Variants in RAD51B observed in about 807,000 individuals in gnomAD.
RAD51B encodes RAD51 paralog B, also known as DNA repair protein RAD51 homolog 2.
A neutral mutation model predicts 42.2 loss-of-function variants in RAD51B; 38 were observed. That is an observed-to-expected ratio of 0.90 (90% confidence interval 0.70 to 1.18). The LOEUF (loss-of-function observed/expected upper bound fraction) is 1.18, where lower values mean the gene tolerates loss of function less well. RAD51B is among the 50% of genes most tolerant of loss of function. RAD51B has a pLI of 0.00. For missense variants in RAD51B, 373 were observed against 400.7 expected (o/e 0.93, Z 0.59); for synonymous variants, 154 against 145.2 (o/e 1.06, Z -0.43).
Position 67,939,977 on chromosome 14 carries a change from A to AT in RAD51B, c.756+52773_756+52774insT, listed in dbSNP as rs529025837. On this transcript the variant is annotated intron_variant, in intron 7 of 10. Transcript: ENST00000471583. ...CTCATAACATACATTATATATATAT[A>AT]AAAAAATAAAAAGTATATATATAAA... 8.0e-3 allele frequency among the ~76,000 whole-genome samples: 1,125 copies of AT among 140,304 alleles called. 22 individuals are homozygous for AT. Among genetic ancestry groups the AT allele is most frequent in the African/African-American group, 0.028 (1,058 of 38,024 alleles). The allele number at this position is 140,304 out of a possible 152,430, so 92.0% of individuals were successfully genotyped here.
intron 5 of RAD51B, among the ~76,000 whole-genome samples, chr14:67,866,567 C>T (rs567573343): frequency 1.3e-5 from 2 of 152,170 alleles, no homozygotes; most frequent in East Asian, 3.8e-4. Flanking sequence ...TTTCTTTGCA[C>T]CACATACAAA....
chr14:68,506,762 G>A (rs1885359432), intron 10 of RAD51B, among the ~76,000 whole-genome samples: 1 of 152,150 alleles, frequency 6.6e-6, no homozygotes, highest in Non-Finnish European at 1.5e-5. Context: ...GTATGTATGG[G>A]CACATCTCAT....
intron 7 of RAD51B, among the ~76,000 whole-genome samples, chr14:68,184,893 A>T (rs1054589513): frequency 1.3e-5 from 2 of 152,346 alleles, no homozygotes; most frequent in Admixed American, 1.3e-4. Context: ...GAAAGTGTTC[A>T]TGAGTTTTAG....
At chr14:68,547,122 G>C (rs146640000) in intron 10 of RAD51B, among the ~76,000 whole-genome samples, 1 of 152,280 alleles carries the variant, frequency 6.6e-6, no homozygotes, top group African/African-American at 2.4e-5. Flanking sequence ...GACTAGACCG[G>C]TGCCTAACAA....
intron 7 of RAD51B, among the ~76,000 whole-genome samples, chr14:68,139,660 C>T (rs895536443): frequency 6.6e-6 from 1 of 152,212 alleles, no homozygotes; most frequent in African/African-American, 2.4e-5. Context: ...CACAATTTCT[C>T]CCACCTGAAC....
At chr14:68,569,834 C>A (rs1317785625) in intron 10 of RAD51B, among the ~76,000 whole-genome samples, 1 of 152,188 alleles carries the variant, frequency 6.6e-6, no homozygotes, top group African/African-American at 2.4e-5. Flanking sequence ...CCCCCCAACC[C>A]AGGGGCTGAG....
chr14:67,899,281 C>T (rs1242869959), intron 7 of RAD51B, among the ~76,000 whole-genome samples: 1 of 151,744 alleles, frequency 6.6e-6, no homozygotes, highest in Non-Finnish European at 1.5e-5. Flanking sequence ...GATCTCCTGA[C>T]CTCGTGATCT....
intron 10 of RAD51B, among the ~76,000 whole-genome samples, chr14:68,601,363 C>T (rs539226693): frequency 6.6e-5 from 10 of 152,258 alleles, no homozygotes; most frequent in African/African-American, 1.9e-4. Flanking sequence ...GCTTTGTGAC[C>T]TTGGTTGGCA....
At chr14:68,643,426 A>G (rs1329711244) in intron 10 of RAD51B, among the ~76,000 whole-genome samples, 1 of 152,242 alleles carries the variant, frequency 6.6e-6, no homozygotes, top group Admixed American at 6.5e-5. Context: ...TCTTGTAGAC[A>G]ACATAGAGTT....
At chr14:68,389,559 T>C (rs2083689199) in intron 8 of RAD51B, among the ~76,000 whole-genome samples, 1 of 152,242 alleles carries the variant, frequency 6.6e-6, no homozygotes, top group Admixed American at 6.5e-5. Context: ...TCTATGTATA[T>C]ACTTATGTTA....
intron 7 of RAD51B, among the ~76,000 whole-genome samples, chr14:68,207,053 G>A (rs1044308598): frequency 1.3e-5 from 2 of 152,170 alleles, no homozygotes; most frequent in African/African-American, 4.8e-5. Flanking sequence ...GCCTCCCAAA[G>A]TGCTGGGATT....
intron 7 of RAD51B, among the ~76,000 whole-genome samples, chr14:68,226,237 T>C (rs1191176194): frequency 1.3e-5 from 2 of 152,144 alleles, no homozygotes; most frequent in African/African-American, 4.8e-5. Flanking sequence ...TTCTAATCTA[T>C]AAAATGAGGG....
chr14:68,222,236 G>A (rs1266893124), intron 7 of RAD51B, among the ~76,000 whole-genome samples: 1 of 152,184 alleles, frequency 6.6e-6, no homozygotes, highest in Admixed American at 6.5e-5. Context: ...GTGTGTTTAT[G>A]GCAGCACAGT....
At chr14:67,986,283 A>G (rs1194912682) in intron 7 of RAD51B, among the ~76,000 whole-genome samples, 1 of 152,264 alleles carries the variant, frequency 6.6e-6, no homozygotes, top group African/African-American at 2.4e-5. Context: ...GAGATGATTT[A>G]AAACATACAG....
At chr14:68,563,743 G>C (rs1889272608) in intron 10 of RAD51B, 1 of 985,306 alleles carries the variant, frequency 1.0e-6, no homozygotes, top group Admixed American at 6.1e-5. Context: ...GAGAGGTGGT[G>C]GGGAGAGGAC....
chr14:68,342,286 GA>G (rs1020179394), intron 8 of RAD51B, among the ~76,000 whole-genome samples: 2 of 152,044 alleles, frequency 1.3e-5, no homozygotes, highest in African/African-American at 4.8e-5. Context: ...TATTAGGAAA[GA>G]AAAAAAATTT....
At chr14:67,883,828 A>G (rs1462464660) in intron 5 of RAD51B, among the ~76,000 whole-genome samples, 1 of 152,210 alleles carries the variant, frequency 6.6e-6, no homozygotes, top group Non-Finnish European at 1.5e-5. Context: ...CACCCAGAAC[A>G]GTGCCTGGCA....
chr14:68,669,144 T>A (rs1893097930), intron 11 of RAD51B, among the ~76,000 whole-genome samples: 1 of 152,266 alleles, frequency 6.6e-6, no homozygotes, highest in Non-Finnish European at 1.5e-5. Context: ...TGGGTGGGAC[T>A]GCTTGGTATT....
At chr14:68,652,224 G>A (rs1021517545) in intron 11 of RAD51B, among the ~76,000 whole-genome samples, 5 of 152,220 alleles carry the variant, frequency 3.3e-5, no homozygotes, top group African/African-American at 4.8e-5. Context: ...ATAGCCCGCA[G>A]TCTGCGCTCC....
Sources: allele counts gnomAD v4.1 joint callset (sites outside exome capture counted in the v4.1 genomes callset), GRCh38; gene constraint gnomAD v4.1.1; transcripts MANE v1.5; gene names NCBI Gene and HGNC (gene_info 2026-07-23, HGNC 2026-07-21).